The following MDFIC2 variants were observed in gnomAD, a reference collection of about 807,000 sequenced individuals.
The protein encoded by MDFIC2 is MyoD family inhibitor domain containing 2.
chr3:70,298,155 G>A (rs750573728), intron 2 of MDFIC2, among the ~76,000 whole-genome samples: 2 of 152,012 alleles, frequency 1.3e-5, no homozygotes, highest in Non-Finnish European at 2.9e-5. Context: ...GTTAGATTTG[G>A]CATCTAAATA....
At chr3:70,202,889 A>G (rs1375980391) in intron 3 of MDFIC2, among the ~76,000 whole-genome samples, 2 of 152,106 alleles carry the variant, frequency 1.3e-5, no homozygotes, top group African/African-American at 2.4e-5. Flanking sequence ...ATTAGAGTGG[A>G]AAAGGTGGCA....
At chr3:70,290,565 C>G (rs561225683) in intron 2 of MDFIC2, among the ~76,000 whole-genome samples, 1 of 152,232 alleles carries the variant, frequency 6.6e-6, no homozygotes, top group African/African-American at 2.4e-5. Context: ...AGGCAGGCCT[C>G]CTTGAGCTGT....
intron 2 of MDFIC2, among the ~76,000 whole-genome samples, chr3:70,289,334 G>C (rs573086017): frequency 0.026 from 4,000 of 151,300 alleles, 62 homozygotes; most frequent in Middle Eastern, 0.068. Flanking sequence ...AGTTTGGCTG[G>C]ATATGAAATT....
intron 2 of MDFIC2, among the ~76,000 whole-genome samples, chr3:70,258,364 G>A (rs1701836381): frequency 1.4e-5 from 2 of 147,940 alleles, no homozygotes; most frequent in Admixed American, 6.8e-5. Flanking sequence ...TATATGAAGA[G>A]AATATTTACA....
intron 3 of MDFIC2, among the ~76,000 whole-genome samples, chr3:70,200,240 C>T (rs927172185): frequency 3.3e-5 from 5 of 152,160 alleles, no homozygotes; most frequent in Admixed American, 2.0e-4. Flanking sequence ...CACATGAGCC[C>T]GCTTCAAATT....
chr3:70,272,501 T>G (rs1048347459), intron 2 of MDFIC2, among the ~76,000 whole-genome samples: 7 of 152,244 alleles, frequency 4.6e-5, no homozygotes, highest in Non-Finnish European at 7.3e-5. Flanking sequence ...TTATCTGTTC[T>G]CCCCTGATGG....
intron 2 of MDFIC2, among the ~76,000 whole-genome samples, chr3:70,222,655 G>C (rs1701471519): frequency 6.6e-6 from 1 of 152,142 alleles, no homozygotes; most frequent in Non-Finnish European, 1.5e-5. Flanking sequence ...AGGTTACTCA[G>C]ACATCCTTAC....
rs907358770 is a variant in MDFIC2, at chr3:70,194,627, T to C, written c.*2299A>G. On this transcript the variant is annotated 3_prime_UTR_variant, in exon 4 of 4. Coordinates refer to ENST00000567252, the MANE Select transcript of MDFIC2 (RefSeq NM_001364677.1). ...CGTGGAAAGCAAGGCCACAGAAAGATCTTGTAGTGTTCTGACCACATTACC... is the reference window on the plus strand; with the variant it reads ...CGTGGAAAGCAAGGCCACAGAAAGACCTTGTAGTGTTCTGACCACATTACC... 6.6e-6 allele frequency among the ~76,000 whole-genome samples: 1 copy of C among 152,182 alleles called. No homozygotes were observed. The highest frequency in any genetic ancestry group is 2.4e-5 in the African/African-American group (1 of 41,450).
chr3:70,287,526 G>T (rs1227358630), intron 2 of MDFIC2, among the ~76,000 whole-genome samples: 1 of 151,540 alleles, frequency 6.6e-6, no homozygotes, highest in African/African-American at 2.4e-5. Context: ...TCTCTTTTTT[G>T]GTTGTGTCTC....
At chr3:70,231,116 A>G in intron 2 of MDFIC2, among the ~76,000 whole-genome samples, 1 of 152,190 alleles carries the variant, frequency 6.6e-6, no homozygotes, top group Non-Finnish European at 1.5e-5. Flanking sequence ...ATGTATTAAA[A>G]ACACACAAGG....
chr3:70,265,115 C>T (rs1237167948), intron 2 of MDFIC2, among the ~76,000 whole-genome samples: 1 of 152,114 alleles, frequency 6.6e-6, no homozygotes, highest in African/African-American at 2.4e-5. Flanking sequence ...TCACTGGGTC[C>T]CTCCCATGAC....
chr3:70,245,738 C>T (rs1162670426), intron 2 of MDFIC2, among the ~76,000 whole-genome samples: 1 of 124,960 alleles, frequency 8.0e-6, no homozygotes, highest in Non-Finnish European at 1.6e-5. Flanking sequence ...CAAAATAAAG[C>T]TCCCTGAGTT....
At chr3:70,249,594 G>A (rs894415058) in intron 2 of MDFIC2, 6 of 151,686 alleles carry the variant, frequency 4.0e-5, no homozygotes, top group African/African-American at 1.5e-4. Context: ...ATCATTGCAG[G>A]TGCCCCTGCT....
chr3:70,246,445 G>T (rs552442707), intron 2 of MDFIC2, among the ~76,000 whole-genome samples: 1 of 152,056 alleles, frequency 6.6e-6, no homozygotes, highest in Non-Finnish European at 1.5e-5. Context: ...AAACAACATA[G>T]AGTGAACTCA....
intron 2 of MDFIC2, among the ~76,000 whole-genome samples, chr3:70,274,099 G>A (rs1022075798): frequency 7.0e-4 from 105 of 150,120 alleles, no homozygotes; most frequent in Non-Finnish European, 1.2e-3. Context: ...GTGCGCGCGC[G>A]CATGTGTGTG....
At chr3:70,294,334 G>C (rs1036313326) in intron 2 of MDFIC2, among the ~76,000 whole-genome samples, 1 of 152,072 alleles carries the variant, frequency 6.6e-6, no homozygotes, top group African/African-American at 2.4e-5. Context: ...AGTACAAGAA[G>C]TAATGATACT....
intron 2 of MDFIC2, among the ~76,000 whole-genome samples, chr3:70,236,669 C>G (rs1559541806): frequency 6.6e-6 from 1 of 152,118 alleles, no homozygotes; most frequent in African/African-American, 2.4e-5. Context: ...AATCATGGCT[C>G]GCTGCAGTCT....
chr3:70,287,866 C>T (rs1702183985), intron 2 of MDFIC2, among the ~76,000 whole-genome samples: 1 of 152,034 alleles, frequency 6.6e-6, no homozygotes, highest in Non-Finnish European at 1.5e-5. Flanking sequence ...GTAGTATTCT[C>T]TGATGGTAGT....
At chr3:70,238,630 T>C (rs1247261090) in intron 2 of MDFIC2, among the ~76,000 whole-genome samples, 6 of 151,444 alleles carry the variant, frequency 4.0e-5, no homozygotes, top group Non-Finnish European at 8.8e-5. Context: ...AAAAAAAGTC[T>C]CTCTGAGAAT....
Sources: gnomAD v4.1 joint callset for allele counts (sites outside exome capture counted in the v4.1 genomes callset) on GRCh38, gnomAD v4.1.1 for gene constraint, MANE v1.5 for transcripts, NCBI Gene and HGNC (gene_info 2026-07-23, HGNC 2026-07-21) for gene names.